TASP1: variants seen among roughly 807,000 people sequenced by gnomAD.
TASP1 encodes threonine aspartase 1.
Under a neutral mutation model 56.6 loss-of-function variants are expected in TASP1, and 16 were observed. That is an observed-to-expected ratio of 0.28 (90% CI 0.19 to 0.43). The LOEUF (loss-of-function observed/expected upper bound fraction) is 0.43, where lower values mean the gene tolerates loss of function less well. Among genes scored for constraint, TASP1 ranks in the 20% least tolerant of loss-of-function variants. TASP1 has a pLI of 1.00. For synonymous variants in TASP1, 179 were observed against 184.2 expected (o/e 0.97, Z 0.23); for missense variants, 393 against 511.6 (o/e 0.77, Z 2.24).
intron 4 of TASP1, among the ~76,000 whole-genome samples, chr20:13,618,736 T>TA (rs1406341123): frequency 6.6e-6 from 1 of 152,226 alleles, no homozygotes; most frequent in Non-Finnish European, 1.5e-5. Flanking sequence ...TAGGGAGCTT[T>TA]AAAGCATGAA....
At position 13,389,898 on chromosome 20, in the gene TASP1, C is replaced by G. The variant is rs554728002; in HGVS notation, c.*462G>C. ...TACTTATTACTGTTATTAAATGGAG[C>G]ACTACCACTGTCAAGTCATTTAAAC... On this transcript the variant is annotated 3_prime_UTR_variant, in exon 14 of 14. Transcript: ENST00000337743. The G allele has an allele frequency of 5.8e-4, 92 of 159,612 alleles. No homozygotes were observed. Among genetic ancestry groups the G allele is most frequent in the African/African-American group, 2.1e-3 (88 of 41,628 alleles). 9.9% of individuals were successfully genotyped at this position (159,612 alleles called of 1,614,324 possible). A position where few individuals can be genotyped will look rare whatever the true frequency, so the allele number is the denominator to read the frequency against.
the TASP1 span, among the ~76,000 whole-genome samples, chr20:13,203,851 G>A: frequency 7.9e-5 from 12 of 152,178 alleles, no homozygotes; most frequent in African/African-American, 2.9e-4. Flanking sequence ...GGGGCTGGCT[G>A]ATTCAGAGTA....
intron 8 of TASP1, among the ~76,000 whole-genome samples, chr20:13,537,930 G>A (rs1478788229): frequency 2.0e-5 from 3 of 151,166 alleles, no homozygotes; most frequent in African/African-American, 7.3e-5. Flanking sequence ...CAAAGTTAAG[G>A]CACTTCCCAC....
chr20:13,449,394 A>G (rs2043532739), intron 11 of TASP1, among the ~76,000 whole-genome samples: 1 of 152,112 alleles, frequency 6.6e-6, no homozygotes, highest in Non-Finnish European at 1.5e-5. Flanking sequence ...TTACCATGAG[A>G]GCAACTCTAT....
chr20:13,365,699 C>T, the TASP1 span, among the ~76,000 whole-genome samples: 2 of 152,156 alleles, frequency 1.3e-5, no homozygotes, highest in African/African-American at 4.8e-5. Flanking sequence ...TGAAGAGGCA[C>T]AGGGCCCCGG....
intron 10 of TASP1, among the ~76,000 whole-genome samples, chr20:13,496,141 C>T (rs996271568): frequency 2.0e-5 from 3 of 152,120 alleles, no homozygotes; most frequent in African/African-American, 7.2e-5. Context: ...GCAACCTCTG[C>T]TTCCCGGGTT....
At chr20:13,434,001 A>G (rs1426008569) in intron 12 of TASP1, among the ~76,000 whole-genome samples, 3 of 152,148 alleles carry the variant, frequency 2.0e-5, no homozygotes. Flanking sequence ...CACAAGTGAT[A>G]CGTATTCCTG....
intron 12 of TASP1, among the ~76,000 whole-genome samples, chr20:13,433,828 A>G (rs2042902794): frequency 6.9e-6 from 1 of 143,946 alleles, no homozygotes; most frequent in African/African-American, 2.6e-5. Context: ...TGGATGACCT[A>G]TAGTGTTTGT....
the TASP1 span, chr20:13,270,734 A>T: frequency 6.8e-6 from 11 of 1,613,726 alleles, no homozygotes; most frequent in Non-Finnish European, 9.3e-6. Context: ...GGCAGAATCC[A>T]AATATCCAGG....
At chr20:13,161,083 AG>A in the TASP1 span, among the ~76,000 whole-genome samples, 1 of 152,254 alleles carries the variant, frequency 6.6e-6, no homozygotes, top group Non-Finnish European at 1.5e-5. Flanking sequence ...GGCTAATGGT[AG>A]TGGAAACAAA....
intron 11 of TASP1, among the ~76,000 whole-genome samples, chr20:13,455,612 A>T (rs897790333): frequency 6.6e-6 from 1 of 152,166 alleles, no homozygotes; most frequent in Non-Finnish European, 1.5e-5. Flanking sequence ...TGCATTACTC[A>T]TTCTAAGAAG....
At chr20:13,591,022 A>G (rs1260436560) in intron 4 of TASP1, among the ~76,000 whole-genome samples, 3 of 151,900 alleles carry the variant, frequency 2.0e-5, no homozygotes, top group South Asian at 4.1e-4. Flanking sequence ...ATCCAAATAA[A>G]TGACAAAGTG....
chr20:13,164,329 C>T, the TASP1 span: 5 of 471,532 alleles, frequency 1.1e-5, no homozygotes, highest in African/African-American at 2.0e-5. Context: ...AATCAGCTCC[C>T]GCAACATTCC....
At chr20:13,409,570 T>C (rs535128705) in intron 13 of TASP1, among the ~76,000 whole-genome samples, 44 of 152,292 alleles carry the variant, frequency 2.9e-4, no homozygotes, top group African/African-American at 9.9e-4. Flanking sequence ...CTAATTTTTA[T>C]CTCATTTAAC....
intron 9 of TASP1, 128 bp downstream of exon 9, chr20:13,533,894 T>C (rs769991543): frequency 1.1e-5 from 12 of 1,107,160 alleles, no homozygotes; most frequent in African/African-American, 3.1e-5. Flanking sequence ...TGATTTATAC[T>C]ACATGTTAAA....
intron 13 of TASP1, among the ~76,000 whole-genome samples, chr20:13,413,893 T>C (rs1449112426): frequency 6.6e-6 from 1 of 152,126 alleles, no homozygotes; most frequent in Non-Finnish European, 1.5e-5. Context: ...ACTGAGAAAA[T>C]ATTGTCCATA....
At chr20:13,591,797 G>A (rs892892500) in intron 4 of TASP1, among the ~76,000 whole-genome samples, 4 of 152,132 alleles carry the variant, frequency 2.6e-5, no homozygotes, top group African/African-American at 9.7e-5. Flanking sequence ...GGCACAAGTA[G>A]CACAAAGATT....
At chr20:13,358,008 A>C in the TASP1 span, among the ~76,000 whole-genome samples, 49,660 of 151,906 alleles carry the variant, frequency 0.33, 10,215 homozygotes, top group African/African-American at 0.59. Context: ...TAACTGATGA[A>C]ATTCCCCCAC....
chr20:13,339,652 T>C, the TASP1 span, among the ~76,000 whole-genome samples: 1 of 152,148 alleles, frequency 6.6e-6, no homozygotes, highest in East Asian at 1.9e-4. Flanking sequence ...ATACAAAAAG[T>C]GATCTGCATA....
Sources: allele counts gnomAD v4.1 joint callset (sites outside exome capture counted in the v4.1 genomes callset), GRCh38; gene constraint gnomAD v4.1.1; transcripts MANE v1.5; gene names NCBI Gene and HGNC (gene_info 2026-07-23, HGNC 2026-07-21).